Variants in PHC2 observed in about 807,000 individuals in gnomAD.
PHC2 encodes polyhomeotic-like protein 2.
In PHC2, 29 loss-of-function variants were observed where a neutral mutation model predicts 87.4. The ratio of observed to expected loss-of-function variants is 0.33; its 90% CI spans 0.25 to 0.45. The LOEUF is 0.45. PHC2 is among the 20% of genes least tolerant of loss of function. The pLI, the probability that PHC2 is intolerant of heterozygous loss-of-function variation, is 1.00. For missense variants in PHC2, 857 were observed against 1,136.7 expected (o/e 0.75, Z 3.54); for synonymous variants, 438 against 461.7 (o/e 0.95, Z 0.66).
At chr1:33,401,064 C>T (rs771310537) in intron 1 of PHC2, among the ~76,000 whole-genome samples, 1 of 152,086 alleles carries the variant, frequency 6.6e-6, no homozygotes, top group South Asian at 2.1e-4. Context: ...TGGTGGCTCA[C>T]GTCTGTAATC....
At chr1:33,346,976 A>G in intron 9 of PHC2, 1 of 985,452 alleles carries the variant, frequency 1.0e-6, no homozygotes, top group Non-Finnish European at 1.2e-6. Flanking sequence ...GGCCAGAGGT[A>G]AGAAGAGTTC....
intron 1 of PHC2, among the ~76,000 whole-genome samples, chr1:33,398,749 T>C (rs1649397319): frequency 6.6e-6 from 1 of 152,184 alleles, no homozygotes; most frequent in Admixed American, 6.5e-5. Context: ...TATATTCCAG[T>C]AGATACAGGG....
chr1:33,419,753 G>A (rs954254602), intron 1 of PHC2, among the ~76,000 whole-genome samples: 2 of 152,148 alleles, frequency 1.3e-5, no homozygotes, highest in African/African-American at 4.8e-5. Context: ...GGGACTATAG[G>A]CGCCCGCTAC....
At chr1:33,425,100 C>A (rs899656262) in intron 1 of PHC2, among the ~76,000 whole-genome samples, 3 of 152,138 alleles carry the variant, frequency 2.0e-5, no homozygotes, top group African/African-American at 7.2e-5. Context: ...GAATAGTGAA[C>A]AAATGTTGAT....
chr1:33,334,292 T>C lies in PHC2; in HGVS notation c.1559A>G (p.Glu520Gly). The change falls in exon 10 of 15, where the codon GAG (glutamate) becomes GGG (glycine). Residue 520 changes from glutamate (E) to glycine (G), a missense_variant and splice_region_variant. Coordinates refer to ENST00000683057, the MANE Select transcript of PHC2 (RefSeq NM_001385109.1). This position sits in a 1 kb window ranked among gnomAD's most constrained non-coding sequence, Gnocchi z 5.5. ...TGCATGAACAATGCCCTGCCCTGTC[T>C]CTGCACGAGAGAGAGTAGGAAAACA... is the stretch of plus-strand genomic sequence containing the variant. ...SPNIQPSPAH[E>G]TGQGIVHALT... The C allele has an allele frequency of 1.2e-6, 2 of 1,612,696 alleles. No homozygotes were observed. Among genetic ancestry groups the C allele is most frequent in the Non-Finnish European group, 1.7e-6 (2 of 1,179,388 alleles).
chr1:33,350,069 G>T lies in PHC2; in HGVS notation c.1558+4332C>A, dbSNP rs767136900. Among the ~76,000 whole-genome samples the T allele has an allele frequency of 1.4e-4, 21 of 151,708 alleles. No individual in the cohort carries two copies. In the South Asian group the frequency reaches 3.5e-3, roughly 25 times the overall value. ...GGAAGGCGGGTTAGGGACGCCCGGG[G>T]CTCAGCTTAGGGAGGCGGGCGCCAC... is the stretch of plus-strand genomic sequence containing the variant. On this transcript the variant is annotated intron_variant, in intron 9 of 14. Transcript: ENST00000683057.
chr1:33,330,994 G>A (rs1417622819), intron 12 of PHC2, among the ~76,000 whole-genome samples: 1 of 152,174 alleles, frequency 6.6e-6, no homozygotes, highest in Non-Finnish European at 1.5e-5. Flanking sequence ...TATGCTGGGC[G>A]AGAGCTCACC....
intron 9 of PHC2, chr1:33,345,965 A>T (rs1646837529): frequency 1.0e-6 from 1 of 984,804 alleles, no homozygotes; most frequent in Non-Finnish European, 1.2e-6. Flanking sequence ...TAAATAGGCA[A>T]CTTTTTTTAA....
intron 9 of PHC2, among the ~76,000 whole-genome samples, chr1:33,344,960 G>C (rs910379928): frequency 2.0e-5 from 3 of 151,812 alleles, no homozygotes; most frequent in Non-Finnish European, 4.4e-5. Context: ...CATTTGCTTT[G>C]ATTGTTCAAA....
chr1:33,335,993 G>T (rs1459026413), intron 9 of PHC2, among the ~76,000 whole-genome samples: 1 of 113,190 alleles, frequency 8.8e-6, no homozygotes, highest in Non-Finnish European at 1.8e-5. Flanking sequence ...TGTTGTTGTT[G>T]TTGTTTTTTT....
chr1:33,385,670 T>C (rs1314352714), intron 1 of PHC2, among the ~76,000 whole-genome samples: 1 of 152,194 alleles, frequency 6.6e-6, no homozygotes, highest in African/African-American at 2.4e-5. Context: ...AAAGTTAGAT[T>C]TTGAGACCGG....
chr1:33,387,548 C>T (rs1020677208), intron 1 of PHC2, among the ~76,000 whole-genome samples: 1 of 152,208 alleles, frequency 6.6e-6, no homozygotes, highest in Non-Finnish European at 1.5e-5. Flanking sequence ...ATAATTCTTG[C>T]CATTTATTGC....
At position 33,334,037 on chromosome 1, in the gene PHC2, A is replaced by T. The variant is rs1646566828; in HGVS notation, c.1761+53T>A. ...TACATGGAAATGTAAAAATATTCTA[A>T]GACACATCCAAAATATACTTAAAAA... is the stretch of plus-strand genomic sequence containing the variant. On this transcript the variant is annotated intron_variant, in intron 10 of 14. Coordinates refer to ENST00000683057, the MANE Select transcript of PHC2 (RefSeq NM_001385109.1). This position sits in a 1 kb window ranked among gnomAD's most constrained non-coding sequence, Gnocchi z 5.5. The T allele has an allele frequency of 6.9e-7, 1 of 1,447,406 alleles. No individual in the cohort carries two copies. Among genetic ancestry groups the T allele is most frequent in the Non-Finnish European group, 9.5e-7 (1 of 1,049,482 alleles). The allele number at this position is 1,447,406 out of a possible 1,614,324, so 89.7% of individuals were successfully genotyped here.
Position 33,330,830 on chromosome 1 carries a change from T to C in PHC2, c.2006+518A>G, listed in dbSNP as rs905800025. Among the ~76,000 whole-genome samples the C allele has an allele frequency of 2.0e-5, 3 of 152,362 alleles. No homozygotes were observed. In the South Asian group the frequency reaches 6.2e-4, roughly 32 times the overall value. On this transcript the variant is annotated intron_variant, in intron 12 of 14. Coordinates refer to ENST00000683057, the MANE Select transcript of PHC2 (RefSeq NM_001385109.1). ...GAGGCACTACTACTCCTTTGTACTT[T>C]GGCTTCCTAACCTGTATAAAGGGGA... is the stretch of plus-strand genomic sequence containing the variant.
chr1:33,356,038 A>G (rs998315578), intron 7 of PHC2, among the ~76,000 whole-genome samples: 1 of 151,954 alleles, frequency 6.6e-6, no homozygotes, highest in African/African-American at 2.4e-5. Flanking sequence ...TCCAGGGTCT[A>G]CCTCTATCAT....
intron 1 of PHC2, among the ~76,000 whole-genome samples, chr1:33,391,776 G>A (rs1016047747): frequency 6.6e-6 from 1 of 152,198 alleles, no homozygotes; most frequent in Non-Finnish European, 1.5e-5. Context: ...AAGCCAGAGA[G>A]AGTACACAGA....
chr1:33,352,862 A>C (rs1287918358), intron 9 of PHC2, among the ~76,000 whole-genome samples: 1 of 152,072 alleles, frequency 6.6e-6, no homozygotes. Context: ...CGGGACCTGG[A>C]GCCCCTCAGC....
intron 7 of PHC2, among the ~76,000 whole-genome samples, chr1:33,356,695 T>TA (rs1647094157): frequency 6.6e-6 from 1 of 152,102 alleles, no homozygotes; most frequent in African/African-American, 2.4e-5. Flanking sequence ...TACTTCTTTC[T>TA]ACACAGACAC....
chr1:33,406,527 A>C (rs1288501752), intron 1 of PHC2, among the ~76,000 whole-genome samples: 1 of 152,174 alleles, frequency 6.6e-6, no homozygotes, highest in Non-Finnish European at 1.5e-5. Context: ...TTGAGGGCAA[A>C]ATCACCCACA....
Sources: gnomAD v4.1 joint callset for allele counts (sites outside exome capture counted in the v4.1 genomes callset) on GRCh38, gnomAD v4.1.1 for gene constraint, Gnocchi (gnomAD v3.1) non-coding constraint, MANE v1.5 for transcripts, NCBI Gene and HGNC (gene_info 2026-07-23, HGNC 2026-07-21) for gene names.